The following CHIA variants were observed in gnomAD, a reference collection of about 807,000 sequenced individuals.
The protein encoded by CHIA is acidic mammalian chitinase.
Under a neutral mutation model 53.5 loss-of-function variants are expected in CHIA, and 47 were observed. The ratio of observed to expected loss-of-function variants is 0.88; its 90% CI spans 0.70 to 1.12. The LOEUF is 1.12. CHIA is among the 50% of genes most tolerant of loss of function. The probability of loss-of-function intolerance (pLI) is 0.00; values close to 1 mark genes in which losing one functional copy is unlikely to be tolerated. For missense variants in CHIA, 652 were observed against 592.2 expected (o/e 1.10, Z -1.05); for synonymous variants, 268 against 222.2 (o/e 1.21, Z -1.83).
At chr1:111,302,431 T>C (rs1459571860) in intron 1 of CHIA, among the ~76,000 whole-genome samples, 1 of 152,172 alleles carries the variant, frequency 6.6e-6, no homozygotes, top group East Asian at 1.9e-4. Flanking sequence ...CAGTATCCCA[T>C]AAGTTTTGCT....
chr1:111,309,427 A>G (rs1040513497), intron 1 of CHIA, among the ~76,000 whole-genome samples: 4 of 152,264 alleles, frequency 2.6e-5, no homozygotes, highest in Non-Finnish European at 4.4e-5. Context: ...TAAGCAATAC[A>G]GAAAATATGT....
chr1:111,312,634 T>G (rs1428032323), intron 4 of CHIA, among the ~76,000 whole-genome samples: 1 of 152,206 alleles, frequency 6.6e-6, no homozygotes, highest in Non-Finnish European at 1.5e-5. Flanking sequence ...CCACAAATAC[T>G]TAATGTTTTT....
rs142137716 is a variant in CHIA, at chr1:111,318,095, G to A, written c.715G>A (p.Ala239Thr). The A allele has an allele frequency of 5.0e-5, 81 of 1,612,526 alleles. No individual in the cohort carries two copies. In the African/African-American group the frequency reaches 8.5e-4, roughly 17 times the overall value. ...YKYPTDTGSN[A>T]YLNVDYVMNY... ...ATACCCGACTGACACCGGCAGCAACGCCTACCTCAATGTGGTGAGTCCCTG... is the reference window on the plus strand; with the variant it reads ...ATACCCGACTGACACCGGCAGCAACACCTACCTCAATGTGGTGAGTCCCTG... The change falls in exon 8 of 12, where the codon GCC becomes ACC. Residue 239 changes from alanine (A) to threonine (T), a missense_variant. Transcript: ENST00000369740.
At chr1:111,314,932 G>A (rs1480678152) in intron 5 of CHIA, 5 of 381,528 alleles carry the variant, frequency 1.3e-5, no homozygotes, top group Non-Finnish European at 2.4e-5. Context: ...GTGGGGGGAG[G>A]AATGAGAAAA....
At chr1:111,308,880 GT>G (rs2101631872) in intron 1 of CHIA, among the ~76,000 whole-genome samples, 1 of 152,208 alleles carries the variant, frequency 6.6e-6, no homozygotes, top group South Asian at 2.1e-4. Flanking sequence ...CTTAGAGTTG[GT>G]TTTGATTGCT....
At chr1:111,316,860 T>C (rs1225900968) in intron 6 of CHIA, 1 of 152,220 alleles carries the variant, frequency 6.6e-6, no homozygotes, top group Admixed American at 6.5e-5. Flanking sequence ...ACTTGTTGAA[T>C]TGCCCTAATG....
At chr1:111,303,593 A>G (rs1395459231) in intron 1 of CHIA, among the ~76,000 whole-genome samples, 1 of 152,134 alleles carries the variant, frequency 6.6e-6, no homozygotes, top group Non-Finnish European at 1.5e-5. Context: ...GAATTTACAC[A>G]GGTTTAACTG....
At chr1:111,311,377 C>A (rs978377339) in intron 2 of CHIA, among the ~76,000 whole-genome samples, 1 of 152,174 alleles carries the variant, frequency 6.6e-6, no homozygotes, top group Non-Finnish European at 1.5e-5. Flanking sequence ...GATGTGTCAT[C>A]ATTGACTACA....
chr1:111,315,526 T>C (rs1649088292), intron 6 of CHIA, 91 bp downstream of exon 6: 2 of 1,333,294 alleles, frequency 1.5e-6, no homozygotes, highest in African/African-American at 2.9e-5. Flanking sequence ...AAACAAAACT[T>C]GAATTTAAAC....
rs1387928138 is a variant in CHIA at position 111,299,682 on chromosome 1, A to G, written c.-69+8732A>G. On this transcript the variant is annotated intron_variant, in intron 1 of 11. Transcript: ENST00000369740. Reference sequence around the variant, plus strand: ...CATTCCCTTTGAAAACTGGCATAAGACAGGGATGCCCTCTCTCACTACTCC... The same window carrying G: ...CATTCCCTTTGAAAACTGGCATAAGGCAGGGATGCCCTCTCTCACTACTCC... 2.0e-5 allele frequency among the ~76,000 whole-genome samples: 3 copies of G among 152,238 alleles called. No individual in the cohort carries two copies. The East Asian group carries it at 5.8e-4, about 29-fold the overall frequency.
intron 1 of CHIA, among the ~76,000 whole-genome samples, chr1:111,308,449 T>C (rs908397631): frequency 2.6e-5 from 4 of 152,216 alleles, no homozygotes; most frequent in East Asian, 3.8e-4. Context: ...ATCTGGTGTT[T>C]AATAGCTGAT....
In CHIA at chr1:111,299,767, G is replaced by A. The variant is rs565291930; in HGVS notation, c.-69+8817G>A. Among the ~76,000 whole-genome samples, 41 of 151,976 alleles carry A rather than the reference G, an allele frequency of 2.7e-4. 1 individual carries two copies. The South Asian group carries it at 8.1e-3, about 30-fold the overall frequency. ...AATCAGGCAAGAGAAAGAAATAAAG[G>A]GTATTCAATTAGGAAGTCAAATTGT... is the stretch of plus-strand genomic sequence containing the variant. On this transcript the variant is annotated intron_variant, in intron 1 of 11. Transcript: ENST00000369740.
Position 111,310,373 on chromosome 1 carries a change from A to AT in CHIA, c.-68-26dup. On this transcript the variant is annotated intron_variant, in intron 1 of 11. Transcript: ENST00000369740. The stretch of plus-strand genomic sequence containing the variant: ...TGATTTACTGATTAACTACATACAC[A>AT]TCTGGGTCAAATTGTTCTCTATTTA... The AT allele has an allele frequency of 3.8e-6, 6 of 1,599,540 alleles. No homozygotes were observed. In the South Asian group the frequency reaches 5.6e-5, roughly 15 times the overall value.
intron 1 of CHIA, among the ~76,000 whole-genome samples, chr1:111,293,973 T>G (rs760993355): frequency 7.2e-5 from 11 of 152,044 alleles, no homozygotes; most frequent in Non-Finnish European, 1.3e-4. Context: ...TCCCAGCTAA[T>G]CAGGAGGCTG....
intron 6 of CHIA, 118 bp downstream of exon 6, chr1:111,315,553 T>C: frequency 9.5e-7 from 1 of 1,052,336 alleles, no homozygotes; most frequent in Non-Finnish European, 1.4e-6. Context: ...AATATTAGCA[T>C]TGCAAAGAGT....
At chr1:111,319,514 C>G (rs114909116) in intron 11 of CHIA, 46 bp downstream of exon 11, 19,103 of 1,597,618 alleles carry the variant, frequency 0.012, 160 homozygotes, top group Middle Eastern at 0.017. Context: ...TACCCCTTCT[C>G]CAACTCAAAA....
intron 4 of CHIA, among the ~76,000 whole-genome samples, 197 bp from the exon 5 acceptor site, chr1:111,314,343 C>G (rs922382693): frequency 2.0e-5 from 3 of 152,158 alleles, no homozygotes; most frequent in Non-Finnish European, 4.4e-5. Flanking sequence ...TTAGATTTCC[C>G]TAGGGAACCC....
chr1:111,295,034 G>A (rs991314420), intron 1 of CHIA, among the ~76,000 whole-genome samples: 11 of 152,176 alleles, frequency 7.2e-5, no homozygotes, highest in African/African-American at 2.7e-4. Context: ...AGTAATGCTG[G>A]ACATATAGAA....
intron 1 of CHIA, 50 bp from the exon 2 acceptor site, chr1:111,310,350 A>G: frequency 1.3e-6 from 2 of 1,559,850 alleles, no homozygotes; most frequent in Non-Finnish European, 1.7e-6. Context: ...AGGTCCGTTG[A>G]TTTACTGATT....
Sources: allele counts gnomAD v4.1 joint callset (sites outside exome capture counted in the v4.1 genomes callset), GRCh38; gene constraint gnomAD v4.1.1; transcripts MANE v1.5; gene names NCBI Gene and HGNC (gene_info 2026-07-23, HGNC 2026-07-21).